Variants in ATG12 observed in about 807,000 individuals in gnomAD.
The protein encoded by ATG12 is autophagy related 12.
A neutral mutation model predicts 17.6 loss-of-function variants in ATG12; 19 were observed. That is an observed-to-expected ratio of 1.08 (90% CI 0.75 to 1.58). The LOEUF is 1.58. Among genes scored for constraint, ATG12 ranks in the 40% most tolerant of loss-of-function variants. The probability of loss-of-function intolerance (pLI) is 0.00; values close to 1 mark genes in which losing one functional copy is unlikely to be tolerated. For missense variants in ATG12, 214 were observed against 162.0 expected (o/e 1.32, Z -1.74); for synonymous variants, 75 against 62.4 (o/e 1.20, Z -0.95).
intron 2 of ATG12, 36 bp from the exon 3 acceptor site, chr5:115,832,700 G>A: frequency 6.8e-7 from 1 of 1,469,070 alleles, no homozygotes; most frequent in Non-Finnish European, 9.0e-7. Context: ...GATGTTTAAT[G>A]GTATCCTGAT....
chr5:115,837,698 C>T lies in ATG12; in HGVS notation c.230G>A (p.Arg77Gln), dbSNP rs758476013. The change falls in exon 2 of 4, where the codon CGA (arginine) becomes CAA (glutamine). Residue 77 changes from arginine (R) to glutamine (Q), a missense_variant. Arg to Gln is a conservative substitution (Grantham distance 43). Transcript: ENST00000509910. Reference sequence around the variant, plus strand: ...AATGAGTCCTTGGATGGTTCGTGTTCGCTCTACTGCCCACTTCTTTGTTTT... The same window carrying T: ...AATGAGTCCTTGGATGGTTCGTGTTTGCTCTACTGCCCACTTCTTTGTTTT... ...IMKTKKWAVE[R>Q]TRTIQGLIDF... The T allele has an allele frequency of 8.7e-6, 14 of 1,613,320 alleles. No homozygotes were observed. Among genetic ancestry groups the T allele is most frequent in the East Asian group, 2.2e-5 (1 of 44,878 alleles).
intron 2 of ATG12, among the ~76,000 whole-genome samples, chr5:115,836,634 A>G (rs761509006): frequency 1.3e-5 from 2 of 152,156 alleles, no homozygotes; most frequent in Non-Finnish European, 2.9e-5. Context: ...TCAGAAGCAA[A>G]TATTTCCCCC....
In ATG12 at chr5:115,840,755, AG is replaced by A. The variant is rs938202226; in HGVS notation, c.163+634del. ...GTAATTTTAGCAATCTCTTTTACAA[AG>A]GGAAACATTCTCAAGCAATAAAGGG... On this transcript the variant is annotated intron_variant, in intron 1 of 3. Transcript: ENST00000509910. 10 of 1,179,290 alleles carry A rather than the reference AG, an allele frequency of 8.5e-6. No individual in the cohort carries two copies. The African/African-American group carries it at 1.6e-4, about 19-fold the overall frequency. 73.1% of individuals were successfully genotyped at this position (1,179,290 alleles called of 1,614,324 possible).
Position 115,829,704 on chromosome 5 carries a change from A to G in ATG12, c.*2100T>C, listed in dbSNP as rs182407719. 2.2e-4 allele frequency: 33 copies of G among 152,346 alleles called. No individual in the cohort carries two copies. The highest frequency in any genetic ancestry group is 7.2e-4 in the African/African-American group (30 of 41,582). The allele number at this position is 152,346 out of a possible 1,614,324, so 9.4% of individuals were successfully genotyped here. A position where few individuals can be genotyped will look rare whatever the true frequency, so the allele number is the denominator to read the frequency against. On this transcript the variant is annotated 3_prime_UTR_variant, in exon 4 of 4. Coordinates refer to ENST00000509910, the MANE Select transcript of ATG12 (RefSeq NM_004707.4). ...AAAAATAAATTGTGTTGTAGGTTCTAGTCACCCAATAACTTATCGGATCCA... is the reference window on the plus strand; with the variant it reads ...AAAAATAAATTGTGTTGTAGGTTCTGGTCACCCAATAACTTATCGGATCCA...
In ATG12 at chr5:115,837,696, T is replaced by C. The variant is rs1277126824; in HGVS notation, c.232A>G (p.Thr78Ala). 1 of 1,613,520 alleles carries C rather than the reference T, an allele frequency of 6.2e-7. No homozygotes were observed. The highest frequency in any genetic ancestry group is 1.3e-5 in the African/African-American group (1 of 74,906). ...TCAATGAGTCCTTGGATGGTTCGTGTTCGCTCTACTGCCCACTTCTTTGTT... is the reference window on the plus strand; with the variant it reads ...TCAATGAGTCCTTGGATGGTTCGTGCTCGCTCTACTGCCCACTTCTTTGTT... The part of the protein sequence containing the change: ...MKTKKWAVER[T>A]RTIQGLIDFI... Residue 78 changes from threonine (T) to alanine (A), a missense_variant, in exon 2 of 4, where the codon ACA becomes GCA. Physicochemically the swap from Thr to Ala is moderately conservative, Grantham distance 58. Coordinates refer to ENST00000509910, the MANE Select transcript of ATG12 (RefSeq NM_004707.4).
Position 115,831,840 on chromosome 5 carries a change from C to G in ATG12, c.387G>C (p.Leu129=), listed in dbSNP as rs1760882408. Residue 129 remains leucine, a synonymous_variant, in exon 4 of 4, where the codon CTG becomes CTC. Transcript: ENST00000509910. ...CCTGAGACTTGCAGTAATGTAAAAC[C>G]AGTTTACCATCACTGCCAAAACACT... The part of the protein sequence containing the change: ...LYECFGSDGK[L]VLHYCKSQAW... 1.2e-6 allele frequency: 2 copies of G among 1,612,164 alleles called. No individual in the cohort carries two copies. The highest frequency in any genetic ancestry group is 1.3e-5 in the African/African-American group (1 of 74,848).
chr5:115,841,290 G>A (rs148994890), intron 1 of ATG12, 100 bp downstream of exon 1: 4 of 1,500,462 alleles, frequency 2.7e-6, no homozygotes, highest in Admixed American at 3.9e-5. Flanking sequence ...GCAGGTCTAG[G>A]ACAGGCGCTC....
chr5:115,841,422 G>A lies in ATG12; in HGVS notation c.131C>T (p.Thr44Ile), dbSNP rs1161740538. The change falls in exon 1 of 4, where the codon ACA (threonine) becomes ATA (isoleucine). Residue 44 changes from threonine (T) to isoleucine (I), a missense_variant. Physicochemically the swap from Thr to Ile is moderately conservative, Grantham distance 89. Transcript: ENST00000509910. Reference sequence around the variant, plus strand: ...CTTGGTGTCGCCAGCAGGTTCCTCTGTTCCCGGGGAAACTGCAGCGGAAGA... The same window carrying A: ...CTTGGTGTCGCCAGCAGGTTCCTCTATTCCCGGGGAAACTGCAGCGGAAGA... ...PPSSAAVSPG[T>I]EEPAGDTKKK... 1 of 1,610,040 alleles carries A rather than the reference G, an allele frequency of 6.2e-7. No individual in the cohort carries two copies. Among genetic ancestry groups the A allele is most frequent in the Non-Finnish European group, 8.5e-7 (1 of 1,179,090 alleles).
At position 115,830,929 on chromosome 5, in the gene ATG12, T is replaced by G. The variant is rs763455553; in HGVS notation, c.*875A>C. ...ATAGCATCAGTAAAAATGGCACTTT[T>G]AGTCATGGCATAAAATATACAATAA... On this transcript the variant is annotated 3_prime_UTR_variant, in exon 4 of 4. Transcript: ENST00000509910. 6.6e-6 allele frequency: 1 copy of G among 152,232 alleles called. No homozygotes were observed. The highest frequency in any genetic ancestry group is 1.5e-5 in the Non-Finnish European group (1 of 68,044). 9.4% of individuals were successfully genotyped at this position (152,232 alleles called of 1,614,324 possible).
chr5:115,840,374 T>TC (rs1761331410), intron 1 of ATG12: 1 of 184,656 alleles, frequency 5.4e-6, no homozygotes, highest in African/African-American at 2.4e-5. Context: ...CTCCGCCCAC[T>TC]GCCACCTCCG....
At chr5:115,839,089 C>CTCCA (rs1319122569) in intron 1 of ATG12, 1 of 148,000 alleles carries the variant, frequency 6.8e-6, no homozygotes, top group Non-Finnish European at 1.5e-5. Context: ...AGCCACTGCA[C>CTCCA]TCCAGCCTGG....
At chr5:115,840,779 G>C (rs572947361) in intron 1 of ATG12, 2 of 1,179,958 alleles carry the variant, frequency 1.7e-6, no homozygotes, top group East Asian at 6.0e-5. Context: ...AAGCAATAAA[G>C]GGTTGAGGAT....
chr5:115,832,031 A>G (rs1760890207), intron 3 of ATG12, among the ~76,000 whole-genome samples, 168 bp from the exon 4 acceptor site: 1 of 152,216 alleles, frequency 6.6e-6, no homozygotes, highest in Non-Finnish European at 1.5e-5. Flanking sequence ...ACACATATTA[A>G]TAATCCTAAG....
intron 2 of ATG12, among the ~76,000 whole-genome samples, chr5:115,836,823 A>G (rs907946537): frequency 1.3e-5 from 2 of 152,222 alleles, no homozygotes; most frequent in Non-Finnish European, 2.9e-5. Context: ...ATACATGTAG[A>G]CATTTAAATT....
chr5:115,833,259 T>C (rs1760961177), intron 2 of ATG12: 1 of 152,148 alleles, frequency 6.6e-6, no homozygotes, highest in Non-Finnish European at 1.5e-5. Flanking sequence ...AAAGTCACAG[T>C]GTTGAAGTGC....
intron 2 of ATG12, chr5:115,833,496 A>G (rs916318170): frequency 6.6e-6 from 1 of 152,130 alleles, no homozygotes; most frequent in African/African-American, 2.4e-5. Context: ...TTAAGTGTAT[A>G]GGCTCTGAGA....
At position 115,831,975 on chromosome 5, in the gene ATG12, C is replaced by G. The variant is rs544050278; in HGVS notation, c.364-112G>C. ...ATATCCACACACGTATATTAAGTTACCTATGTTACAGGCTATCTCTTTCAA... is the reference window on the plus strand; with the variant it reads ...ATATCCACACACGTATATTAAGTTAGCTATGTTACAGGCTATCTCTTTCAA... On this transcript the variant is annotated intron_variant, in intron 3 of 3. Coordinates refer to ENST00000509910, the MANE Select transcript of ATG12 (RefSeq NM_004707.4). 1.0e-4 allele frequency: 101 copies of G among 964,244 alleles called. 1 individual carries two copies. The South Asian group carries it at 1.4e-3, about 14-fold the overall frequency. The allele number at this position is 964,244 out of a possible 1,614,324, so 59.7% of individuals were successfully genotyped here.
At chr5:115,833,279 A>G (rs1048929284) in intron 2 of ATG12, 6 of 152,186 alleles carry the variant, frequency 3.9e-5, no homozygotes, top group African/African-American at 1.4e-4. Context: ...CCCTTTAATA[A>G]TTTTCTTTTT....
In ATG12 at chr5:115,831,867, C is replaced by CAAAAAAAAAA; in HGVS notation, c.364-14_364-5dup. 3.2e-6 allele frequency: 4 copies of CAAAAAAAAAA among 1,264,954 alleles called. No individual in the cohort carries two copies. Among genetic ancestry groups the CAAAAAAAAAA allele is most frequent in the South Asian group, 2.9e-5 (2 of 68,858 alleles). The allele number at this position is 1,264,954 out of a possible 1,614,324, so 78.4% of individuals were successfully genotyped here. A position where few individuals can be genotyped will look rare whatever the true frequency, so the allele number is the denominator to read the frequency against. ...GTTTACCATCACTGCCAAAACACTA[C>CAAAAAAAAAA]AAAAAAAAAAGGCAATAAATCAAAC... On this transcript the variant is annotated splice_region_variant and splice_polypyrimidine_tract_variant and intron_variant, in intron 3 of 3. Coordinates refer to ENST00000509910, the MANE Select transcript of ATG12 (RefSeq NM_004707.4).
Sources: gnomAD v4.1 joint callset for allele counts (sites outside exome capture counted in the v4.1 genomes callset) on GRCh38, gnomAD v4.1.1 for gene constraint, MANE v1.5 for transcripts, NCBI Gene and HGNC (gene_info 2026-07-23, HGNC 2026-07-21) for gene names.